The following ARID1B variants were observed in gnomAD, a reference collection of about 807,000 sequenced individuals.
ARID1B encodes the protein AT-rich interactive domain-containing protein 1B.
Under a neutral mutation model 212.3 loss-of-function variants are expected in ARID1B, and 30 were observed. The observed-to-expected ratio is 0.14, with a 90% CI of 0.11 to 0.19. The LOEUF (loss-of-function observed/expected upper bound fraction) is 0.19. Among genes scored for constraint, ARID1B ranks in the 10% least tolerant of loss-of-function variants. ARID1B has a pLI of 1.00. For synonymous variants in ARID1B, 1,402 were observed against 1,301.7 expected (o/e 1.08, Z -1.66); for missense variants, 2,891 against 3,204.0 (o/e 0.90, Z 2.36).
intron 1 of ARID1B, among the ~76,000 whole-genome samples, chr6:156,813,367 C>A (rs890407385): frequency 6.6e-6 from 1 of 151,686 alleles, no homozygotes; most frequent in Non-Finnish European, 1.5e-5. Context: ...CCTGCCTTGG[C>A]CTCCCAAAGT....
chr6:157,166,206 T>C (rs1459193545), intron 8 of ARID1B: 2 of 152,226 alleles, frequency 1.3e-5, no homozygotes, highest in Non-Finnish European at 1.5e-5. Context: ...ATCTCGTTAC[T>C]AACAGTCAGA....
chr6:157,126,205 T>C (rs1370760721), intron 6 of ARID1B, among the ~76,000 whole-genome samples: 3 of 152,180 alleles, frequency 2.0e-5, no homozygotes, highest in Admixed American at 6.5e-5. Flanking sequence ...TGGTTTTCAG[T>C]TTAGCAGAGC....
Position 157,200,738 on chromosome 6 carries a change from C to A in ARID1B, c.4513C>A (p.Pro1505Thr), listed in dbSNP as rs773062339. The A allele has an allele frequency of 1.9e-6, 3 of 1,612,660 alleles. No individual in the cohort carries two copies. The highest frequency in any genetic ancestry group is 1.7e-6 in the Non-Finnish European group (2 of 1,179,414). The change falls in exon 18 of 20, where the codon CCC becomes ACC. Residue 1505 changes from proline (P) to threonine (T), a missense_variant. Physicochemically the swap from Pro to Thr is conservative, Grantham distance 38. Transcript: ENST00000636930. The surrounding 1 kb of genome is among the most constrained non-coding windows in gnomAD (Gnocchi z 4.3). ...YKRHMDGMYG[P>T]PAKRHEGDMY... is the part of the protein sequence containing the mutation. ...ACGCCATATGGACGGCATGTACGGGCCCCCAGCCAAGCGCCACGAGGGCGA... is the reference window on the plus strand; with the variant it reads ...ACGCCATATGGACGGCATGTACGGGACCCCAGCCAAGCGCCACGAGGGCGA...
chr6:156,971,968 G>A (rs1056399875), intron 4 of ARID1B, among the ~76,000 whole-genome samples: 13 of 152,184 alleles, frequency 8.5e-5, no homozygotes, highest in African/African-American at 2.2e-4. Flanking sequence ...AGGCTCGAGC[G>A]CCCTAGTGTT....
chr6:156,972,029 A>C (rs997432683), intron 4 of ARID1B, among the ~76,000 whole-genome samples: 1 of 152,120 alleles, frequency 6.6e-6, no homozygotes, highest in Non-Finnish European at 1.5e-5. Flanking sequence ...CTGCCTACAC[A>C]CAGAGTGAGC....
intron 4 of ARID1B, among the ~76,000 whole-genome samples, chr6:156,999,074 C>T (rs962803626): frequency 2.6e-5 from 4 of 152,212 alleles, no homozygotes; most frequent in Admixed American, 6.5e-5. Flanking sequence ...CCTTCTGGGC[C>T]AGTGACTTTC....
chr6:157,001,415 G>C (rs1327371515), intron 4 of ARID1B, among the ~76,000 whole-genome samples: 2 of 152,158 alleles, frequency 1.3e-5, no homozygotes, highest in Non-Finnish European at 2.9e-5. Flanking sequence ...ACCGTCCTCT[G>C]ACCAGCTGCA....
intron 4 of ARID1B, among the ~76,000 whole-genome samples, chr6:156,961,670 G>C (rs1249908260): frequency 6.6e-6 from 1 of 152,192 alleles, no homozygotes; most frequent in Non-Finnish European, 1.5e-5. Context: ...TGTGTGAGCT[G>C]CGCTTACCAC....
chr6:156,995,786 T>C (rs1045061541), intron 4 of ARID1B, among the ~76,000 whole-genome samples: 11 of 152,312 alleles, frequency 7.2e-5, no homozygotes, highest in African/African-American at 2.6e-4. Context: ...GGAAGTAGAA[T>C]TACCAGATAA....
At chr6:157,070,355 A>G (rs1394860888) in intron 4 of ARID1B, among the ~76,000 whole-genome samples, 1 of 152,068 alleles carries the variant, frequency 6.6e-6, no homozygotes. Flanking sequence ...GTAAGTTTTG[A>G]TATTCTAAAT....
intron 6 of ARID1B, among the ~76,000 whole-genome samples, chr6:157,123,192 G>T (rs1042439332): frequency 2.7e-5 from 4 of 150,066 alleles, no homozygotes; most frequent in African/African-American, 9.8e-5. Context: ...CTCTGTCTCT[G>T]TCTCTGTCTC....
intron 8 of ARID1B, chr6:157,151,782 A>T (rs1172843847): frequency 6.6e-6 from 1 of 152,238 alleles, no homozygotes; most frequent in African/African-American, 2.4e-5. Flanking sequence ...CAAACAGGGA[A>T]CTATCACCTA....
chr6:157,174,804 C>A, intron 10 of ARID1B, 43 bp from the exon 11 acceptor site: 3 of 1,433,900 alleles, frequency 2.1e-6, no homozygotes, highest in Non-Finnish European at 2.8e-6. Context: ...ATAAAGTTTG[C>A]CCTACCTTTG....
intron 8 of ARID1B, among the ~76,000 whole-genome samples, chr6:157,163,883 G>A (rs1015249377): frequency 6.6e-6 from 1 of 152,246 alleles, no homozygotes; most frequent in East Asian, 1.9e-4. Flanking sequence ...AGAGAAAGAA[G>A]TGTAGTATAC....
At chr6:156,913,782 C>A (rs187853225) in intron 3 of ARID1B, among the ~76,000 whole-genome samples, 1 of 150,892 alleles carries the variant, frequency 6.6e-6, no homozygotes, top group Admixed American at 6.6e-5. Flanking sequence ...CCACTCTCCA[C>A]TCCCCAACAA....
intron 4 of ARID1B, among the ~76,000 whole-genome samples, chr6:156,976,049 T>C (rs1777221180): frequency 6.6e-6 from 1 of 151,436 alleles, no homozygotes; most frequent in African/African-American, 2.4e-5. Flanking sequence ...GACGGGGGAA[T>C]ATCATAAAGT....
rs751387548 is a variant in ARID1B, at chr6:157,200,871, C to T, written c.4646C>T (p.Pro1549Leu). The change falls in exon 18 of 20, where the codon CCC (proline) becomes CTC (leucine). Residue 1549 changes from proline to leucine, a missense_variant. By Grantham distance (98) the Pro-to-Leu change is moderately conservative. This residue lies in a region of ARID1B where 666 missense variants were observed against 873.5 expected (regional missense o/e 0.76). Transcript: ENST00000636930. This position sits in a 1 kb window ranked among gnomAD's most constrained non-coding sequence, Gnocchi z 4.3. ...RRPIQGQYPY[P>L]YSRERMQGPG... Reference sequence around the variant, plus strand: ...CCCATCCAGGGCCAGTACCCGTATCCCTACAGCAGGGAGAGGATGCAGGGC... The same window carrying T: ...CCCATCCAGGGCCAGTACCCGTATCTCTACAGCAGGGAGAGGATGCAGGGC... The T allele has an allele frequency of 1.2e-5, 19 of 1,614,066 alleles. No homozygotes were observed. In the South Asian group the frequency reaches 2.0e-4, roughly 17 times the overall value.
intron 6 of ARID1B, among the ~76,000 whole-genome samples, chr6:157,121,418 G>GTC (rs1190444561): frequency 1.3e-5 from 2 of 151,900 alleles, no homozygotes; most frequent in Non-Finnish European, 2.9e-5. Context: ...CTAAAGTTAG[G>GTC]TCTCTCTCTT....
intron 8 of ARID1B, among the ~76,000 whole-genome samples, chr6:157,153,354 T>G (rs1790337429): frequency 6.6e-6 from 1 of 151,882 alleles, no homozygotes; most frequent in Non-Finnish European, 1.5e-5. Flanking sequence ...AAGTAATATC[T>G]GTACAGAACC....
Sources: allele counts gnomAD v4.1 joint callset (sites outside exome capture counted in the v4.1 genomes callset), GRCh38; gene constraint gnomAD v4.1.1; regional missense constraint gnomAD v4.1.1; non-coding constraint Gnocchi (gnomAD v3.1); transcripts MANE v1.5; gene names NCBI Gene and HGNC (gene_info 2026-07-23, HGNC 2026-07-21).